The following TMEM132B variants were observed in gnomAD, a reference collection of about 807,000 sequenced individuals.
The protein encoded by TMEM132B is transmembrane protein 132B.
TMEM132B carries 18 observed loss-of-function variants against 90.8 expected under a neutral mutation model. That is an observed-to-expected ratio of 0.20 (90% CI 0.14 to 0.29). TMEM132B has a LOEUF of 0.29. TMEM132B is among the 10% of genes least tolerant of loss of function. The probability of loss-of-function intolerance (pLI) is 1.00; values close to 1 mark genes in which losing one functional copy is unlikely to be tolerated. For missense variants in TMEM132B, 1,096 were observed against 1,326.8 expected, an observed-to-expected ratio of 0.83 and a Z score of 2.70; for synonymous variants, 504 against 523.3, an observed-to-expected ratio of 0.96 and a Z score of 0.50.
chr12:125,248,863 C>T (rs1207034271), intron 1 of TMEM132B, among the ~76,000 whole-genome samples: 7 of 152,052 alleles, frequency 4.6e-5, no homozygotes, highest in Non-Finnish European at 1.0e-4. Context: ...TCTGAGGGTC[C>T]GCACCAACAT....
intron 4 of TMEM132B, among the ~76,000 whole-genome samples, chr12:125,525,785 T>G (rs1883436994): frequency 6.6e-6 from 1 of 152,136 alleles, no homozygotes; most frequent in Non-Finnish European, 1.5e-5. Flanking sequence ...GGTTATGATC[T>G]TTGCCCACTG....
chr12:125,603,627 T>C (rs1885620357), intron 5 of TMEM132B, among the ~76,000 whole-genome samples: 1 of 152,220 alleles, frequency 6.6e-6, no homozygotes, highest in Non-Finnish European at 1.5e-5. Flanking sequence ...AAAGAGCTTC[T>C]TCACAGCGAA....
chr12:125,442,854 A>G (rs1321084050), intron 3 of TMEM132B, among the ~76,000 whole-genome samples: 1 of 152,214 alleles, frequency 6.6e-6, no homozygotes, highest in African/African-American at 2.4e-5. Flanking sequence ...AGTTTTGACA[A>G]ATACTGAGCA....
At chr12:125,317,838 A>G (rs928789630) in intron 1 of TMEM132B, among the ~76,000 whole-genome samples, 5 of 152,196 alleles carry the variant, frequency 3.3e-5, no homozygotes, top group African/African-American at 1.2e-4. Context: ...TTTTCCCCTT[A>G]AACAACTCAG....
At chr12:125,622,482 G>T (rs1239074715) in intron 5 of TMEM132B, 1 of 985,248 alleles carries the variant, frequency 1.0e-6, no homozygotes, top group African/African-American at 1.7e-5. Context: ...CCTTTCCTGT[G>T]CTGGAAAGGA....
At chr12:125,599,366 C>T (rs1885518474) in intron 5 of TMEM132B, among the ~76,000 whole-genome samples, 1 of 152,162 alleles carries the variant, frequency 6.6e-6, no homozygotes, top group South Asian at 2.1e-4. Flanking sequence ...ATTACCCAGT[C>T]TCAGGTATGT....
rs1006757520 is a variant in TMEM132B, at chr12:125,478,470, C to T, written c.1107-40969C>T. On this transcript the variant is annotated intron_variant, in intron 3 of 8. Transcript: ENST00000682704. ...TGGCATGAGAACTACGTGATGCATG[C>T]ACAAGCTTCAGTAGCTGATTTGATC... is the stretch of plus-strand genomic sequence containing the variant. 3.3e-5 allele frequency among the ~76,000 whole-genome samples: 5 copies of T among 152,112 alleles called. No homozygotes were observed. In the East Asian group the frequency reaches 7.7e-4, roughly 23 times the overall value.
chr12:125,603,047 AT>A, intron 5 of TMEM132B, among the ~76,000 whole-genome samples: 1 of 152,358 alleles, frequency 6.6e-6, no homozygotes, highest in East Asian at 1.9e-4. Flanking sequence ...TAATTTATCG[AT>A]TTAATTCTAT....
chr12:125,367,373 G>C (rs1878166856), intron 2 of TMEM132B, among the ~76,000 whole-genome samples: 1 of 152,084 alleles, frequency 6.6e-6, no homozygotes, highest in Admixed American at 6.6e-5. Context: ...TCTCTTTCTT[G>C]GATCATAAGT....
intron 3 of TMEM132B, among the ~76,000 whole-genome samples, chr12:125,430,952 G>A (rs1188335947): frequency 6.6e-6 from 1 of 152,126 alleles, no homozygotes; most frequent in Non-Finnish European, 1.5e-5. Context: ...AGGGAGAGAT[G>A]TGGGAGGAGA....
intron 1 of TMEM132B, among the ~76,000 whole-genome samples, chr12:125,269,096 C>A (rs536781090): frequency 2.0e-5 from 3 of 152,350 alleles, no homozygotes; most frequent in African/African-American, 7.2e-5. Context: ...CAAGGCAACA[C>A]CCTCTTCTGA....
chr12:125,505,173 A>C lies in TMEM132B; in HGVS notation c.1107-14266A>C, dbSNP rs1347591410. Among the ~76,000 whole-genome samples, 11 of 118,660 alleles carry C rather than the reference A, an allele frequency of 9.3e-5. No homozygotes were observed. The East Asian group carries it at 1.9e-3, about 20-fold the overall frequency. The allele number at this position is 118,660 out of a possible 152,430, so 77.8% of individuals were successfully genotyped here. The stretch of plus-strand genomic sequence containing the variant: ...GACTCACACACCAGAGGACAAAAAA[A>C]AAAAAAAAAAAAAAAAAAAAAACAG... On this transcript the variant is annotated intron_variant, in intron 3 of 8. Coordinates refer to ENST00000682704, the MANE Select transcript of TMEM132B (RefSeq NM_001366854.1).
At position 125,209,553 on chromosome 12, in the gene TMEM132B, C is replaced by T. The variant is rs78881745; in HGVS notation, c.67+22687C>T. Among the ~76,000 whole-genome samples, 2,794 of 152,322 alleles carry T rather than the reference C, an allele frequency of 0.018. 34 individuals carry two copies. Among genetic ancestry groups the T allele is most frequent in the Non-Finnish European group, 0.026 (1,796 of 68,026 alleles). On this transcript the variant is annotated intron_variant, in intron 1 of 8. Coordinates refer to ENST00000682704, the MANE Select transcript of TMEM132B (RefSeq NM_001366854.1). The surrounding 1 kb of genome is among the most constrained non-coding windows in gnomAD (Gnocchi z 4.4). ...ACCCTGCCACCCCGTTTCCTTTGTTCCTGGCTGCTGTGGTGCTGGTCACGC... is the reference window on the plus strand; with the variant it reads ...ACCCTGCCACCCCGTTTCCTTTGTTTCTGGCTGCTGTGGTGCTGGTCACGC...
chr12:125,615,140 T>A (rs1885956282), intron 5 of TMEM132B, among the ~76,000 whole-genome samples: 2 of 152,124 alleles, frequency 1.3e-5, no homozygotes, highest in African/African-American at 4.8e-5. Context: ...TACTGTGATG[T>A]GTCTGAGTGT....
At chr12:125,508,963 TG>T (rs1882912286) in intron 3 of TMEM132B, among the ~76,000 whole-genome samples, 1 of 151,902 alleles carries the variant, frequency 6.6e-6, no homozygotes, top group Admixed American at 6.6e-5. Flanking sequence ...TTTGTAGTTT[TG>T]GTAGAGACGG....
At chr12:125,614,135 CA>C (rs1377773013) in intron 5 of TMEM132B, among the ~76,000 whole-genome samples, 2 of 152,102 alleles carry the variant, frequency 1.3e-5, no homozygotes, top group African/African-American at 2.4e-5. Context: ...CTAATTTCAA[CA>C]TTTTTTTTAG....
chr12:125,622,655 G>T (rs2136973006), intron 5 of TMEM132B: 4 of 985,412 alleles, frequency 4.1e-6, no homozygotes, highest in Non-Finnish European at 4.8e-6. Context: ...AGCCTTCTCT[G>T]GGTAGCACTG....
At chr12:125,426,584 G>A (rs1300153677) in intron 3 of TMEM132B, among the ~76,000 whole-genome samples, 6 of 152,214 alleles carry the variant, frequency 3.9e-5, no homozygotes, top group Non-Finnish European at 5.9e-5. Flanking sequence ...CTGGCTGAGG[G>A]CTATGTCCCT....
intron 1 of TMEM132B, among the ~76,000 whole-genome samples, chr12:125,283,610 A>G (rs1000472029): frequency 2.0e-5 from 3 of 152,198 alleles, no homozygotes; most frequent in African/African-American, 7.2e-5. Context: ...CCAAGTCCAG[A>G]GCATAAATTA....
Sources: gnomAD v4.1 joint callset for allele counts (sites outside exome capture counted in the v4.1 genomes callset) on GRCh38, gnomAD v4.1.1 for gene constraint, Gnocchi (gnomAD v3.1) non-coding constraint, MANE v1.5 for transcripts, NCBI Gene and HGNC (gene_info 2026-07-23, HGNC 2026-07-21) for gene names.